SLC38A7: variants seen among roughly 807,000 people sequenced by gnomAD.
SLC38A7 encodes the protein solute carrier family 38 member 7, also known as sodium-coupled neutral amino acid transporter 7.
In SLC38A7, 29 loss-of-function variants were observed where a neutral mutation model predicts 50.1. That is an observed-to-expected ratio of 0.58 (90% confidence interval 0.43 to 0.79). The LOEUF (loss-of-function observed/expected upper bound fraction) is 0.79. Among genes scored for constraint, SLC38A7 ranks in the 30% least tolerant of loss-of-function variants. The pLI, the probability that SLC38A7 is intolerant of heterozygous loss-of-function variation, is 0.00. For missense variants in SLC38A7, 483 were observed against 610.6 expected, an observed-to-expected ratio of 0.79 and a Z score of 2.20; for synonymous variants, 244 against 245.9, an observed-to-expected ratio of 0.99 and a Z score of 0.07.
chr16:58,671,286 G>A (rs1194219579), intron 9 of SLC38A7, 42 bp from the exon 10 acceptor site: 7 of 1,591,242 alleles, frequency 4.4e-6, no homozygotes, highest in Non-Finnish European at 6.0e-6. Flanking sequence ...CCTGCTGCTA[G>A]CAGCTCCCCA....
Position 58,676,274 on chromosome 16 carries a change from A to AACTGGC in SLC38A7, c.768+9_768+14dup. On this transcript the variant is annotated intron_variant, in intron 7 of 11. Transcript: ENST00000219320. ...TCTAAGGGGACAGCAGGGACCTTGC[A>AACTGGC]ACTGGCACTGGCACCTGAAATCCGA... 1 of 1,614,166 alleles carries AACTGGC rather than the reference A, an allele frequency of 6.2e-7. No homozygotes were observed. The highest frequency in any genetic ancestry group is 8.5e-7 in the Non-Finnish European group (1 of 1,180,012).
chr16:58,671,103 G>A lies in SLC38A7; in HGVS notation c.1173C>T (p.Ile391=), dbSNP rs766440636. ...CTCCAATGACTGAGATCACCTTGCC[G>A]ATGTCAGGGATGAAGAGCGCCAGCA... The part of the protein sequence containing the change: ...TLLLALFIPD[I]GKVISVIGGL... Residue 391 remains isoleucine (I), a synonymous_variant, in exon 10 of 12, where the codon ATC becomes ATT. Coordinates refer to ENST00000219320, the MANE Select transcript of SLC38A7 (RefSeq NM_018231.3). The A allele has an allele frequency of 1.5e-5, 24 of 1,613,694 alleles. No homozygotes were observed. The highest frequency in any genetic ancestry group is 1.9e-5 in the Non-Finnish European group (22 of 1,179,882).
rs181961041 is a variant in SLC38A7, at chr16:58,683,348, C to G, written c.-116+607G>C. Among the ~76,000 whole-genome samples, 59 of 152,284 alleles carry G rather than the reference C, an allele frequency of 3.9e-4. 1 individual carries two copies. The highest frequency in any genetic ancestry group is 1.4e-3 in the African/African-American group (57 of 41,556). On this transcript the variant is annotated intron_variant, in intron 2 of 11. Coordinates refer to ENST00000219320, the MANE Select transcript of SLC38A7 (RefSeq NM_018231.3). ...TCCCATTGCTCCTCCTGATGATGGA[C>G]AAACAAAGCTGGGGACCATCCACTC...
intron 8 of SLC38A7, chr16:58,675,341 T>C: frequency 5.0e-6 from 2 of 399,572 alleles, no homozygotes; most frequent in Admixed American, 2.9e-5. Flanking sequence ...ACCTTGTCTC[T>C]GCTAGAAAAA....
chr16:58,673,507 C>T (rs1047347960), intron 8 of SLC38A7, among the ~76,000 whole-genome samples: 4 of 151,918 alleles, frequency 2.6e-5, no homozygotes, highest in East Asian at 1.9e-4. Flanking sequence ...GGATTACAGG[C>T]GTGAGCCACC....
Position 58,676,043 on chromosome 16 carries a change from G to A in SLC38A7, c.780C>T (p.Ser260=), listed in dbSNP as rs1178127550. 2 of 1,612,920 alleles carry A rather than the reference G, an allele frequency of 1.2e-6. No individual in the cohort carries two copies. Among genetic ancestry groups the A allele is most frequent in the Non-Finnish European group, 8.5e-7 (1 of 1,179,636 alleles). ...GCATGCTGTTGAAGACGGGCACACT[G>A]CTGACGTGGCACTGTCCAGGTGAAG... is the stretch of plus-strand genomic sequence containing the variant. ...TICFGFQCHV[S]SVPVFNSMQQ... Residue 260 remains serine (S), a synonymous_variant, in exon 8 of 12, where the codon AGC becomes AGT. Transcript: ENST00000219320.
In SLC38A7 at chr16:58,682,885, C is replaced by A. The variant is rs189349126; in HGVS notation, c.-116+1070G>T. Among the ~76,000 whole-genome samples the A allele has an allele frequency of 1.5e-3, 221 of 152,250 alleles. 1 individual carries two copies. The highest frequency in any genetic ancestry group is 4.9e-3 in the African/African-American group (202 of 41,542). On this transcript the variant is annotated intron_variant, in intron 2 of 11. Transcript: ENST00000219320. ...GACCTTGTGATCCCCCTTGGCCTCC[C>A]AAAGTGCTAGGATTACAGGCGTGAG... is the stretch of plus-strand genomic sequence containing the variant.
At position 58,670,161 on chromosome 16, in the gene SLC38A7, C is replaced by T; in HGVS notation, c.1238G>A (p.Cys413Tyr). Residue 413 changes from cysteine (C) to tyrosine (Y), a missense_variant, in exon 11 of 12, where the codon TGC becomes TAC. Physicochemically the swap from Cys to Tyr is radical, Grantham distance 194. Coordinates refer to ENST00000219320, the MANE Select transcript of SLC38A7 (RefSeq NM_018231.3). ...ACFIFVFPGL[C>Y]LIQAKLSEME... ...CTCAGAGAGTTTGGCTTGAATGAGG[C>T]ACAGCCCTGAAAGAGAAGAAGTGGC... is the stretch of plus-strand genomic sequence containing the variant. The T allele has an allele frequency of 1.9e-6, 3 of 1,614,140 alleles. No individual in the cohort carries two copies. Among genetic ancestry groups the T allele is most frequent in the Non-Finnish European group, 2.5e-6 (3 of 1,179,996 alleles).
Position 58,667,287 on chromosome 16 carries a change from C to A in SLC38A7, c.*98G>T. 7.9e-7 allele frequency: 1 copy of A among 1,273,374 alleles called. No individual in the cohort carries two copies. Among genetic ancestry groups the A allele is most frequent in the Non-Finnish European group, 1.1e-6 (1 of 881,982 alleles). The allele number at this position is 1,273,374 out of a possible 1,614,324, so 78.9% of individuals were successfully genotyped here. The stretch of plus-strand genomic sequence containing the variant: ...AGAGGATGTCCGGATGTCATCCCAC[C>A]AGTTGGAATGATCGTGGACTAAGAA... On this transcript the variant is annotated 3_prime_UTR_variant, in exon 12 of 12. Transcript: ENST00000219320.
intron 6 of SLC38A7, 91 bp from the exon 7 acceptor site, chr16:58,676,437 G>A (rs956552003): frequency 3.6e-6 from 5 of 1,378,500 alleles, no homozygotes; most frequent in African/African-American, 2.8e-5. Flanking sequence ...GCCCACCATG[G>A]TCTCCAGCAA....
intron 11 of SLC38A7, 110 bp downstream of exon 11, chr16:58,670,003 T>G: frequency 3.3e-6 from 3 of 908,954 alleles, no homozygotes; most frequent in Admixed American, 2.8e-5. Context: ...CAAAAACCCA[T>G]GATTTCTAAG....
At chr16:58,671,667 T>A (rs1294083669) in intron 9 of SLC38A7, 1 of 219,898 alleles carries the variant, frequency 4.5e-6, no homozygotes, top group Non-Finnish European at 9.1e-6. Flanking sequence ...GCTCCAGCCA[T>A]CCTTCTGCCT....
At position 58,680,048 on chromosome 16, in the gene SLC38A7, G is replaced by T. The variant is rs535382657; in HGVS notation, c.79C>A (p.Gln27Lys). 1.1e-5 allele frequency: 17 copies of T among 1,596,850 alleles called. No homozygotes were observed. The highest frequency in any genetic ancestry group is 3.5e-5 in the Admixed American group (2 of 57,856). Residue 27 changes from glutamine (Q) to lysine (K), a missense_variant, in exon 3 of 12, where the codon CAG becomes AAG. Transcript: ENST00000219320. ...TDAGERARLL[Q>K]SPCVDTAPKS... ...GGGGCTGTGTCCACACAGGGACTCT[G>T]CAGCAGCCGAGCCCGCTCCCCGGCA... is the stretch of plus-strand genomic sequence containing the variant.
chr16:58,675,926 G>T lies in SLC38A7; in HGVS notation c.883+14C>A. ...GCACTCTAGTCCCAGGTCTTGGGGG[G>T]GGGGAGCACTCACCTGTCCCCATGT... On this transcript the variant is annotated intron_variant, in intron 8 of 11. Transcript: ENST00000219320. 1.9e-6 allele frequency: 3 copies of T among 1,589,900 alleles called. No homozygotes were observed. Among genetic ancestry groups the T allele is most frequent in the African/African-American group, 1.3e-5 (1 of 74,422 alleles).
rs1567467458 is a variant in SLC38A7, at chr16:58,667,135, G to A, written c.*250C>T. On this transcript the variant is annotated 3_prime_UTR_variant, in exon 12 of 12. Coordinates refer to ENST00000219320, the MANE Select transcript of SLC38A7 (RefSeq NM_018231.3). Reference sequence around the variant, plus strand: ...GGAGAAGTTGAGAACTGGGAGAGGAGGAGGGGTCCTCTATGATGTGAGACT... The same window carrying A: ...GGAGAAGTTGAGAACTGGGAGAGGAAGAGGGGTCCTCTATGATGTGAGACT... 2 of 512,502 alleles carry A rather than the reference G, an allele frequency of 3.9e-6. No homozygotes were observed. Among genetic ancestry groups the A allele is most frequent in the African/African-American group, 3.9e-5 (2 of 51,624 alleles). The allele number at this position is 512,502 out of a possible 1,614,324, so 31.7% of individuals were successfully genotyped here.
Position 58,667,501 on chromosome 16 carries a change from G to A in SLC38A7, c.1287-14C>T. The A allele has an allele frequency of 6.3e-7, 1 of 1,588,166 alleles. No individual in the cohort carries two copies. The highest frequency in any genetic ancestry group is 8.6e-7 in the Non-Finnish European group (1 of 1,166,100). ...AGCACCCACCAGCTGTAGAACAGAGGGTGAGAGAGGTCTGATCAGTCATCC... is the reference window on the plus strand; with the variant it reads ...AGCACCCACCAGCTGTAGAACAGAGAGTGAGAGAGGTCTGATCAGTCATCC... On this transcript the variant is annotated splice_polypyrimidine_tract_variant and intron_variant, in intron 11 of 11. Coordinates refer to ENST00000219320, the MANE Select transcript of SLC38A7 (RefSeq NM_018231.3).
intron 11 of SLC38A7, among the ~76,000 whole-genome samples, chr16:58,669,811 C>T (rs1250343613): frequency 7.3e-6 from 1 of 137,246 alleles, no homozygotes; most frequent in African/African-American, 2.7e-5. Context: ...CTCGTCTCTA[C>T]TAAAAATACA....
intron 9 of SLC38A7, 63 bp from the exon 10 acceptor site, chr16:58,671,307 A>C: frequency 6.5e-7 from 1 of 1,534,856 alleles, no homozygotes; most frequent in Non-Finnish European, 8.9e-7. Context: ...CCTCTAGCTC[A>C]CAGGAGCCAG....
rs770347818 is a variant in SLC38A7 at position 58,684,099 on chromosome 16, A to G, written c.-260T>C. 2.0e-5 allele frequency: 3 copies of G among 152,412 alleles called. No homozygotes were observed. Among genetic ancestry groups the G allele is most frequent in the Non-Finnish European group, 4.4e-5 (3 of 68,190 alleles). The allele number at this position is 152,412 out of a possible 1,614,324, so 9.4% of individuals were successfully genotyped here. A position where few individuals can be genotyped will look rare whatever the true frequency, so the allele number is the denominator to read the frequency against. ...CTAAAATTTGCTGTCAGCAGAGGGA[A>G]GAGTTTGGGCTACTTCTGTGCTGGC... On this transcript the variant is annotated 5_prime_UTR_variant, in exon 2 of 12. Coordinates refer to ENST00000219320, the MANE Select transcript of SLC38A7 (RefSeq NM_018231.3).
Sources: allele counts gnomAD v4.1 joint callset (sites outside exome capture counted in the v4.1 genomes callset), GRCh38; gene constraint gnomAD v4.1.1; transcripts MANE v1.5; gene names NCBI Gene and HGNC (gene_info 2026-07-23, HGNC 2026-07-21).